Variants in ITGA8 observed in about 807,000 individuals in gnomAD.
The protein encoded by ITGA8 is integrin alpha-8.
Under a neutral mutation model 142.3 loss-of-function variants are expected in ITGA8, and 91 were observed. The ratio of observed to expected loss-of-function variants is 0.64; its 90% CI spans 0.54 to 0.76. The LOEUF (loss-of-function observed/expected upper bound fraction) is 0.76. ITGA8 is among the 30% of genes least tolerant of loss of function. The pLI is 0.00. For synonymous variants in ITGA8, 505 were observed against 485.2 expected (o/e 1.04, Z -0.54); for missense variants, 1,406 against 1,327.7 (o/e 1.06, Z -0.92).
Position 15,612,073 on chromosome 10 carries a change from C to T in ITGA8, c.1553+1587G>A, listed in dbSNP as rs181770564. ...TTAATCATGCAGGGGTAAGGATAAA[C>T]GCTGGCTCTCTGACATATTTTCTCA... On this transcript the variant is annotated intron_variant, in intron 15 of 29. Transcript: ENST00000378076. 1.1e-3 allele frequency among the ~76,000 whole-genome samples: 164 copies of T among 152,236 alleles called. 2 individuals carry two copies. In the South Asian group the frequency reaches 0.028, roughly 26 times the overall value.
At chr10:15,678,480 T>C (rs1165408938) in intron 5 of ITGA8, among the ~76,000 whole-genome samples, 2 of 152,234 alleles carry the variant, frequency 1.3e-5, no homozygotes. Context: ...AGGCTGTTGC[T>C]TTTTATCATG....
At chr10:15,660,187 AGGACCAGCCTTGTGGG>A (rs1834258409) in intron 9 of ITGA8, among the ~76,000 whole-genome samples, 1 of 152,336 alleles carries the variant, frequency 6.6e-6, no homozygotes, top group African/African-American at 2.4e-5. Context: ...ACCCACAGGT[AGGACCAGCCTTGTGGG>A]TATGTGACTT....
intron 13 of ITGA8, among the ~76,000 whole-genome samples, chr10:15,617,112 C>G (rs1833408108): frequency 1.3e-5 from 2 of 152,186 alleles, no homozygotes; most frequent in Admixed American, 1.3e-4. Flanking sequence ...GAAATGACAA[C>G]AGCAATCCTA....
chr10:15,641,444 GT>G (rs1301400689), intron 13 of ITGA8, among the ~76,000 whole-genome samples: 1 of 152,198 alleles, frequency 6.6e-6, no homozygotes, highest in East Asian at 1.9e-4. Flanking sequence ...CTCTAAGGCA[GT>G]TTCTTCTCTG....
At chr10:15,526,326 G>A (rs561443234) in intron 28 of ITGA8, among the ~76,000 whole-genome samples, 3 of 151,988 alleles carry the variant, frequency 2.0e-5, no homozygotes, top group Non-Finnish European at 2.9e-5. Flanking sequence ...ACAGGCATGC[G>A]CCACCATGCC....
intron 9 of ITGA8, among the ~76,000 whole-genome samples, chr10:15,659,412 A>G (rs901727671): frequency 3.9e-5 from 6 of 152,210 alleles, no homozygotes; most frequent in African/African-American, 1.4e-4. Context: ...TAAATTGATC[A>G]TTATGGTTCT....
At chr10:15,638,947 T>G (rs1040889583) in intron 13 of ITGA8, among the ~76,000 whole-genome samples, 1 of 151,924 alleles carries the variant, frequency 6.6e-6, no homozygotes, top group African/African-American at 2.4e-5. Flanking sequence ...GGCAACATAG[T>G]GAGACCCTGT....
At chr10:15,522,992 G>A (rs537819322) in intron 28 of ITGA8, among the ~76,000 whole-genome samples, 3 of 151,914 alleles carry the variant, frequency 2.0e-5, no homozygotes, top group African/African-American at 7.3e-5. Context: ...ACTCCGTCTG[G>A]TTGACAGAGC....
chr10:15,632,774 A>G (rs930681589), intron 13 of ITGA8, among the ~76,000 whole-genome samples: 10 of 152,036 alleles, frequency 6.6e-5, no homozygotes, highest in Non-Finnish European at 1.3e-4. Flanking sequence ...AATTTTTAAC[A>G]CACCTCTGAA....
intron 20 of ITGA8, 141 bp downstream of exon 20, chr10:15,604,067 T>C: frequency 1.4e-6 from 1 of 731,080 alleles, no homozygotes; most frequent in East Asian, 2.5e-5. Context: ...GGCTCATTGC[T>C]GTTATGATTT....
chr10:15,672,799 C>G (rs777137317), intron 6 of ITGA8, 50 bp from the exon 7 acceptor site: 1 of 1,522,226 alleles, frequency 6.6e-7, no homozygotes, highest in East Asian at 2.5e-5. Context: ...AAGAGGCAGG[C>G]CCTCCATGAG....
chr10:15,565,644 T>C (rs182094360), intron 25 of ITGA8, among the ~76,000 whole-genome samples: 1 of 137,892 alleles, frequency 7.3e-6, no homozygotes, highest in Non-Finnish European at 1.5e-5. Context: ...GACTGGAGTG[T>C]AGTGACGTGA....
intron 27 of ITGA8, among the ~76,000 whole-genome samples, chr10:15,534,491 C>G (rs4748180): frequency 0.2 from 30,138 of 152,124 alleles, 4,041 homozygotes; most frequent in African/African-American, 0.38. Flanking sequence ...AATACTGGAT[C>G]TCTGACCACA....
intron 8 of ITGA8, among the ~76,000 whole-genome samples, chr10:15,664,530 T>A (rs569200186): frequency 8.1e-4 from 123 of 151,124 alleles, no homozygotes; most frequent in South Asian, 3.6e-3. Context: ...TTTATTATTA[T>A]TATACTTTAA....
At chr10:15,575,464 C>T (rs371012560) in intron 24 of ITGA8, 25 bp downstream of exon 24, 3 of 1,515,216 alleles carry the variant, frequency 2.0e-6, no homozygotes, top group African/African-American at 1.4e-5. Flanking sequence ...ACCCCTAACA[C>T]AACTTTAACA....
chr10:15,618,607 C>A (rs995735267), intron 13 of ITGA8, among the ~76,000 whole-genome samples: 1 of 152,188 alleles, frequency 6.6e-6, no homozygotes, highest in Non-Finnish European at 1.5e-5. Context: ...GGCCGACCCA[C>A]CCTGAATCTG....
intron 20 of ITGA8, among the ~76,000 whole-genome samples, chr10:15,601,789 A>G (rs1369747761): frequency 6.6e-6 from 1 of 152,218 alleles, no homozygotes; most frequent in Non-Finnish European, 1.5e-5. Context: ...CCTTACAATC[A>G]GATAATGCCT....
chr10:15,626,492 T>C (rs1488673784), intron 13 of ITGA8, among the ~76,000 whole-genome samples: 1 of 152,138 alleles, frequency 6.6e-6, no homozygotes, highest in Admixed American at 6.5e-5. Flanking sequence ...GTGCTGGGAT[T>C]ACAGACATGA....
chr10:15,575,015 A>G (rs1214406932), intron 24 of ITGA8, among the ~76,000 whole-genome samples: 3 of 152,166 alleles, frequency 2.0e-5, no homozygotes, highest in African/African-American at 7.2e-5. Flanking sequence ...TATATCCAGT[A>G]TTACTCAACC....
Sources: gnomAD v4.1 joint callset for allele counts (sites outside exome capture counted in the v4.1 genomes callset) on GRCh38, gnomAD v4.1.1 for gene constraint, MANE v1.5 for transcripts, NCBI Gene and HGNC (gene_info 2026-07-23, HGNC 2026-07-21) for gene names.